ANKRD44: variants seen among roughly 807,000 people sequenced by gnomAD.
ANKRD44 encodes ankyrin repeat domain 44.
ANKRD44 carries 35 observed loss-of-function variants against 116.0 expected under a neutral mutation model. That is an observed-to-expected ratio of 0.30 (90% CI 0.23 to 0.40). The LOEUF is 0.40. Among genes scored for constraint, ANKRD44 ranks in the 10% least tolerant of loss-of-function variants. ANKRD44 has a pLI of 1.00. For missense variants in ANKRD44, 1,014 were observed against 1,242.6 expected, an observed-to-expected ratio of 0.82 and a Z score of 2.77; for synonymous variants, 435 against 461.8, an observed-to-expected ratio of 0.94 and a Z score of 0.74.
downstream of ANKRD44, among the ~76,000 whole-genome samples, chr2:196,982,213 G>A (rs2075807016): frequency 6.6e-6 from 1 of 151,014 alleles, no homozygotes; most frequent in South Asian, 2.1e-4. Flanking sequence ...TGCACACAGA[G>A]ACCAGGGCAG....
At chr2:197,246,943 T>A (rs1460829417) in intron 1 of ANKRD44, among the ~76,000 whole-genome samples, 1 of 152,194 alleles carries the variant, frequency 6.6e-6, no homozygotes, top group East Asian at 1.9e-4. Context: ...CCCCATGTTC[T>A]AATGTCAACA....
chr2:197,245,558 G>A (rs2082172466), intron 1 of ANKRD44, among the ~76,000 whole-genome samples: 1 of 152,100 alleles, frequency 6.6e-6, no homozygotes, highest in African/African-American at 2.4e-5. Flanking sequence ...TAAAATTGAG[G>A]GTACTCATTT....
intron 1 of ANKRD44, among the ~76,000 whole-genome samples, chr2:197,252,802 G>A (rs1483634979): frequency 6.6e-6 from 1 of 152,100 alleles, no homozygotes; most frequent in Non-Finnish European, 1.5e-5. Context: ...TTTAAATGCT[G>A]CTAGGCAAAA....
chr2:197,070,205 T>C (rs534025529), intron 16 of ANKRD44, among the ~76,000 whole-genome samples: 24 of 152,300 alleles, frequency 1.6e-4, no homozygotes, highest in African/African-American at 4.8e-4. Context: ...GTTTTGTTTA[T>C]TCCTTTCTGA....
intron 27 of ANKRD44, chr2:196,990,125 C>T (rs909443992): frequency 1.0e-6 from 1 of 999,640 alleles, no homozygotes; most frequent in Non-Finnish European, 1.2e-6. Context: ...TATTCAAATG[C>T]TTACTATAGA....
At chr2:197,293,365 C>T (rs1339622114) in intron 1 of ANKRD44, among the ~76,000 whole-genome samples, 1 of 152,166 alleles carries the variant, frequency 6.6e-6, no homozygotes, top group Admixed American at 6.5e-5. Flanking sequence ...AGTGGCTTAG[C>T]TCCAACCTTC....
rs375790292 is a variant in ANKRD44 at position 197,079,806 on chromosome 2, A to ATTT, written c.1539-993_1539-992insAAA. On this transcript the variant is annotated intron_variant, in intron 15 of 27. Coordinates refer to ENST00000282272, the MANE Select transcript of ANKRD44 (RefSeq NM_001195144.2). ...AATTTCTATAGTTTACCCAAAAACT[A>ATTT]TAAATAGCATTTACCTATCTTTTGG... is the stretch of plus-strand genomic sequence containing the variant. Among the ~76,000 whole-genome samples, 59 of 152,170 alleles carry ATTT rather than the reference A, an allele frequency of 3.9e-4. No individual in the cohort carries two copies. In the East Asian group the frequency reaches 0.011, roughly 27 times the overall value.
chr2:197,016,793 TC>T (rs1416407380), intron 17 of ANKRD44, among the ~76,000 whole-genome samples: 1 of 152,130 alleles, frequency 6.6e-6, no homozygotes, highest in Non-Finnish European at 1.5e-5. Flanking sequence ...CAACCAAGTC[TC>T]CTCTTATGTC....
intron 21 of ANKRD44, among the ~76,000 whole-genome samples, chr2:196,975,472 A>G (rs2075749683): frequency 6.6e-6 from 1 of 152,164 alleles, no homozygotes; most frequent in Non-Finnish European, 1.5e-5. Flanking sequence ...CGTTACCATC[A>G]CACCAAAACA....
At chr2:197,150,726 T>C (rs1001492867) in intron 2 of ANKRD44, among the ~76,000 whole-genome samples, 2 of 151,870 alleles carry the variant, frequency 1.3e-5, no homozygotes, top group Non-Finnish European at 2.9e-5. Context: ...GGAGGGTAAA[T>C]AGAGAACCAA....
chr2:197,294,500 A>G (rs978038466), intron 1 of ANKRD44, among the ~76,000 whole-genome samples: 4 of 152,094 alleles, frequency 2.6e-5, no homozygotes, highest in Non-Finnish European at 4.4e-5. Context: ...CAAGAGCAAG[A>G]GTCAGATGCT....
chr2:197,183,239 T>C (rs80270012), intron 2 of ANKRD44, among the ~76,000 whole-genome samples: 2,970 of 151,684 alleles, frequency 0.02, 49 homozygotes, highest in South Asian at 0.036. Context: ...TCAAAAAGCG[T>C]GGAGAGGTGA....
intron 9 of ANKRD44, among the ~76,000 whole-genome samples, chr2:197,104,909 T>C (rs7569330): frequency 0.055 from 8,398 of 152,296 alleles, 455 homozygotes; most frequent in African/African-American, 0.13. Flanking sequence ...TCAAGACTTC[T>C]GTGTGTAGAA....
intron 1 of ANKRD44, among the ~76,000 whole-genome samples, chr2:197,281,979 C>T (rs1033786213): frequency 6.6e-5 from 10 of 152,224 alleles, no homozygotes; most frequent in African/African-American, 1.9e-4. Flanking sequence ...GCAGGACAGC[C>T]GTGGTGGCTC....
In ANKRD44 at chr2:197,013,465, G is replaced by A. The variant is rs370623604; in HGVS notation, c.1924+46C>T. ...CTGCTTTCCTTCTATTAAAACTTAC[G>A]AACAAGCCACAAAACTAGGGTAATC... On this transcript the variant is annotated intron_variant, in intron 18 of 27. Transcript: ENST00000282272. 20 of 1,587,312 alleles carry A rather than the reference G, an allele frequency of 1.3e-5. No homozygotes were observed. The East Asian group carries it at 1.6e-4, about 12-fold the overall frequency.
intron 22 of ANKRD44, among the ~76,000 whole-genome samples, chr2:197,001,122 A>G (rs777690261): frequency 6.6e-6 from 1 of 152,228 alleles, no homozygotes; most frequent in Non-Finnish European, 1.5e-5. Flanking sequence ...TGCCTCCAAT[A>G]TCTTTCCAAT....
chr2:197,001,716 T>C (rs1164835009), intron 22 of ANKRD44, 37 bp downstream of exon 22: 1 of 1,492,864 alleles, frequency 6.7e-7, no homozygotes. Context: ...TTAAAATCAT[T>C]AAAGCAACAT....
At chr2:197,011,676 T>C (rs749782584) in intron 18 of ANKRD44, among the ~76,000 whole-genome samples, 1 of 152,084 alleles carries the variant, frequency 6.6e-6, no homozygotes, top group African/African-American at 2.4e-5. Flanking sequence ...TTTCACCTTG[T>C]TGGCCAGGCT....
intron 1 of ANKRD44, among the ~76,000 whole-genome samples, chr2:197,198,584 G>A (rs1209203138): frequency 3.9e-5 from 6 of 152,058 alleles, no homozygotes; most frequent in Admixed American, 3.9e-4. Flanking sequence ...CTGAGGCCAG[G>A]AGTTTGAGAC....
Sources: gnomAD v4.1 joint callset for allele counts (sites outside exome capture counted in the v4.1 genomes callset) on GRCh38, gnomAD v4.1.1 for gene constraint, MANE v1.5 for transcripts, NCBI Gene and HGNC (gene_info 2026-07-23, HGNC 2026-07-21) for gene names.